The following FAXC variants were observed in gnomAD, a reference collection of about 807,000 sequenced individuals.
FAXC encodes the protein failed axon connections homolog.
A neutral mutation model predicts 41.9 loss-of-function variants in FAXC; 10 were observed. The observed-to-expected ratio is 0.24, with a 90% CI of 0.15 to 0.41. The LOEUF (loss-of-function observed/expected upper bound fraction) is 0.41. FAXC is among the 10% of genes least tolerant of loss of function. FAXC has a pLI of 1.00. For missense variants in FAXC, 399 were observed against 510.9 expected (o/e 0.78, Z 2.11); for synonymous variants, 183 against 183.8 (o/e 1.00, Z 0.03).
At chr6:99,306,928 G>A (rs1426305089) in intron 4 of FAXC, among the ~76,000 whole-genome samples, 1 of 152,174 alleles carries the variant, frequency 6.6e-6, no homozygotes, top group African/African-American at 2.4e-5. Flanking sequence ...AACTACAAGA[G>A]ACTAATGTCT....
intron 4 of FAXC, among the ~76,000 whole-genome samples, chr6:99,313,148 C>A (rs1328809187): frequency 6.6e-6 from 1 of 152,118 alleles, no homozygotes; most frequent in Non-Finnish European, 1.5e-5. Flanking sequence ...CAAAAATTAG[C>A]TGGGTGTGGT....
At position 99,349,434 on chromosome 6, in the gene FAXC, G is replaced by T. The variant is rs1289618466; in HGVS notation, c.-62C>A. On this transcript the variant is annotated 5_prime_UTR_variant, in exon 1 of 6. Transcript: ENST00000389677. Reference sequence around the variant, plus strand: ...CGCGCCGCCCGCATGGGAAGGGGCCGGCGCGGCCCGGCGCGGGCTCAGAGG... The same window carrying T: ...CGCGCCGCCCGCATGGGAAGGGGCCTGCGCGGCCCGGCGCGGGCTCAGAGG... 3.4e-6 allele frequency: 4 copies of T among 1,185,126 alleles called. No homozygotes were observed. The highest frequency in any genetic ancestry group is 3.5e-4 in the Middle Eastern group (1 of 2,822). 73.4% of individuals were successfully genotyped at this position (1,185,126 alleles called of 1,614,324 possible). A position where few individuals can be genotyped will look rare whatever the true frequency, so the allele number is the denominator to read the frequency against.
chr6:99,327,959 C>T (rs1772877249), intron 3 of FAXC, among the ~76,000 whole-genome samples: 1 of 152,214 alleles, frequency 6.6e-6, no homozygotes, highest in African/African-American at 2.4e-5. Context: ...CCTCAAGGCC[C>T]TTCAGAAATG....
chr6:99,319,556 C>T (rs1480644320), intron 4 of FAXC, among the ~76,000 whole-genome samples: 5 of 152,276 alleles, frequency 3.3e-5, no homozygotes, highest in Non-Finnish European at 7.4e-5. Context: ...ACTTTGCATG[C>T]ATTACTTTTC....
chr6:99,332,433 A>G (rs1276487078), intron 3 of FAXC, among the ~76,000 whole-genome samples: 3 of 152,232 alleles, frequency 2.0e-5, no homozygotes, highest in Non-Finnish European at 2.9e-5. Context: ...AAATCAAGAG[A>G]AACTTTCTCT....
At chr6:99,291,224 G>A (rs1341686199) in intron 5 of FAXC, among the ~76,000 whole-genome samples, 1 of 152,122 alleles carries the variant, frequency 6.6e-6, no homozygotes, top group Non-Finnish European at 1.5e-5. Context: ...GTGCAACATC[G>A]AAAAACAGTT....
chr6:99,334,001 A>G (rs970773249), intron 2 of FAXC, among the ~76,000 whole-genome samples: 1 of 152,220 alleles, frequency 6.6e-6, no homozygotes, highest in Non-Finnish European at 1.5e-5. Flanking sequence ...CTCACACCTG[A>G]ATAATAATAC....
At chr6:99,340,920 C>T (rs1773404773) in intron 2 of FAXC, among the ~76,000 whole-genome samples, 1 of 152,010 alleles carries the variant, frequency 6.6e-6, no homozygotes, top group South Asian at 2.1e-4. Context: ...CCATCCTCCT[C>T]GGCCTCTCAA....
Position 99,272,043 on chromosome 6 carries a change from A to G in FAXC, c.*9121T>C, listed in dbSNP as rs1171658883. 1 of 152,174 alleles carries G rather than the reference A, an allele frequency of 6.6e-6. No individual in the cohort carries two copies. Among genetic ancestry groups the G allele is most frequent in the African/African-American group, 2.4e-5 (1 of 41,442 alleles). 9.4% of individuals were successfully genotyped at this position (152,174 alleles called of 1,614,324 possible). A position where few individuals can be genotyped will look rare whatever the true frequency, so the allele number is the denominator to read the frequency against. On this transcript the variant is annotated 3_prime_UTR_variant, in exon 6 of 6. Transcript: ENST00000389677. Reference sequence around the variant, plus strand: ...CTAAAGACTTGAGCATATCATGGCCATATTACCATATGCCAGTTTATCATC... The same window carrying G: ...CTAAAGACTTGAGCATATCATGGCCGTATTACCATATGCCAGTTTATCATC...
intron 4 of FAXC, among the ~76,000 whole-genome samples, chr6:99,322,334 A>AATGT (rs1772625193): frequency 6.6e-6 from 1 of 152,162 alleles, no homozygotes; most frequent in African/African-American, 2.4e-5. Flanking sequence ...GTAGAGCAGA[A>AATGT]AGATGCAGTC....
At chr6:99,334,953 C>A (rs1773163609) in intron 2 of FAXC, among the ~76,000 whole-genome samples, 2 of 152,194 alleles carry the variant, frequency 1.3e-5, no homozygotes, top group South Asian at 4.1e-4. Context: ...ACCTCCCTGA[C>A]TTTATGCACT....
chr6:99,312,281 G>A (rs895837030), intron 4 of FAXC, among the ~76,000 whole-genome samples: 4 of 152,172 alleles, frequency 2.6e-5, no homozygotes, highest in East Asian at 1.9e-4. Flanking sequence ...CTGGGAGCAC[G>A]GAACAGGTTT....
intron 4 of FAXC, among the ~76,000 whole-genome samples, chr6:99,295,418 A>T (rs1339959861): frequency 6.6e-6 from 1 of 152,178 alleles, no homozygotes; most frequent in Non-Finnish European, 1.5e-5. Flanking sequence ...GAATTAGTGG[A>T]CTGAGTAAAG....
At chr6:99,310,400 T>C (rs1232247531) in intron 4 of FAXC, among the ~76,000 whole-genome samples, 1 of 152,212 alleles carries the variant, frequency 6.6e-6, no homozygotes, top group Non-Finnish European at 1.5e-5. Flanking sequence ...AGTTTTAAAC[T>C]ACCTTCCCCC....
At chr6:99,289,683 ATGTATATG>A (rs1199296126) in intron 5 of FAXC, among the ~76,000 whole-genome samples, 4 of 82,386 alleles carry the variant, frequency 4.9e-5, no homozygotes, top group Non-Finnish European at 6.7e-5. Context: ...AAATGTACAT[ATGTATATG>A]TGTGTGTGTG....
chr6:99,349,040 G>A (rs2128467040), intron 1 of FAXC, 67 bp downstream of exon 1: 1 of 1,498,404 alleles, frequency 6.7e-7, no homozygotes, highest in Non-Finnish European at 9.1e-7. Flanking sequence ...GGCCCCTCTC[G>A]CGCCAGCCCT....
chr6:99,325,353 A>G (rs913128082), intron 3 of FAXC, among the ~76,000 whole-genome samples: 11 of 152,120 alleles, frequency 7.2e-5, no homozygotes, highest in African/African-American at 2.7e-4. Flanking sequence ...ATTTCAACAT[A>G]CTCCCTGTGC....
chr6:99,349,025 G>T, intron 1 of FAXC, 82 bp downstream of exon 1: 3 of 1,374,154 alleles, frequency 2.2e-6, no homozygotes, highest in Non-Finnish European at 3.0e-6. Context: ...CGAGGGGCTG[G>T]CACGGGCCCC....
At chr6:99,347,141 C>A (rs1208581009) in intron 1 of FAXC, among the ~76,000 whole-genome samples, 1 of 152,090 alleles carries the variant, frequency 6.6e-6, no homozygotes, top group African/African-American at 2.4e-5. Context: ...ATGGTTCATG[C>A]CTGTAATCCC....
Sources: allele counts gnomAD v4.1 joint callset (sites outside exome capture counted in the v4.1 genomes callset), GRCh38; gene constraint gnomAD v4.1.1; transcripts MANE v1.5; gene names NCBI Gene and HGNC (gene_info 2026-07-23, HGNC 2026-07-21).